Variants in ZNF654 observed in about 807,000 individuals in gnomAD.
The protein encoded by ZNF654 is melanoma-associated antigen.
A neutral mutation model predicts 95.3 loss-of-function variants in ZNF654; 19 were observed. That is an observed-to-expected ratio of 0.20 (90% CI 0.14 to 0.29). The LOEUF is 0.29. Ranked by LOEUF, ZNF654 falls within the 10% of genes least tolerant of loss-of-function variation. ZNF654 has a pLI of 1.00. For synonymous variants in ZNF654, 413 were observed against 457.9 expected (o/e 0.90, Z 1.25); for missense variants, 1,046 against 1,341.0 (o/e 0.78, Z 3.44).
chr3:88,088,213 C>G (rs900516276), intron 2 of ZNF654, among the ~76,000 whole-genome samples: 1 of 152,116 alleles, frequency 6.6e-6, no homozygotes, highest in African/African-American at 2.4e-5. Flanking sequence ...ATTCATCAGT[C>G]AAGAAACTCC....
intron 2 of ZNF654, among the ~76,000 whole-genome samples, chr3:88,108,970 G>T (rs112830072): frequency 6.7e-4 from 102 of 152,222 alleles, no homozygotes; most frequent in Middle Eastern, 6.8e-3. Flanking sequence ...GCCACATGGT[G>T]CATGTTAAGG....
chr3:88,118,363 C>T (rs1253553738), intron 3 of ZNF654, among the ~76,000 whole-genome samples: 3 of 152,120 alleles, frequency 2.0e-5, no homozygotes, highest in Admixed American at 1.3e-4. Flanking sequence ...CGTAATATAC[C>T]ATAGGAGAAG....
chr3:88,080,079 A>T (rs1708003738), intron 1 of ZNF654, among the ~76,000 whole-genome samples: 1 of 152,062 alleles, frequency 6.6e-6, no homozygotes, highest in South Asian at 2.1e-4. Context: ...GAGAATTGTA[A>T]AAACAGTGAA....
At chr3:88,129,942 A>G (rs1244466915) in intron 6 of ZNF654, 116 bp downstream of exon 6, 1 of 963,080 alleles carries the variant, frequency 1.0e-6, no homozygotes, top group Admixed American at 3.3e-5. Context: ...TTAAAAAAAA[A>G]TTGATTGTGC....
chr3:88,139,379 C>A lies in ZNF654; in HGVS notation c.1710C>A (p.Gly570=), dbSNP rs1303566735. 1.6e-5 allele frequency: 26 copies of A among 1,613,218 alleles called. No homozygotes were observed. The highest frequency in any genetic ancestry group is 1.9e-5 in the Non-Finnish European group (23 of 1,179,670). Residue 570 remains glycine (G), a synonymous_variant, in exon 8 of 9, where the codon GGC becomes GGA. Coordinates refer to ENST00000636215, the MANE Select transcript of ZNF654 (RefSeq NM_001350134.2). ...ATGCCCAGGCTCATCAGAAAAAAGGCAGTTTTGCATGTGTAATATGTGGTA... is the reference window on the plus strand; with the variant it reads ...ATGCCCAGGCTCATCAGAAAAAAGGAAGTTTTGCATGTGTAATATGTGGTA... ...VRHAQAHQKK[G]SFACVICGRK...
intron 1 of ZNF654, among the ~76,000 whole-genome samples, chr3:88,064,039 C>CA (rs1707048260): frequency 6.6e-6 from 1 of 151,608 alleles, no homozygotes; most frequent in African/African-American, 2.4e-5. Context: ...TTTCTTTGAT[C>CA]AACACATGCC....
intron 7 of ZNF654, chr3:88,135,510 A>C: frequency 5.5e-6 from 1 of 182,472 alleles, no homozygotes; most frequent in Non-Finnish European, 1.1e-5. Flanking sequence ...CTAATTTGCA[A>C]ATAAACTTGG....
In ZNF654 at chr3:88,139,860, G is replaced by C. The variant is rs766111404; in HGVS notation, c.2191G>C (p.Val731Leu). 3.1e-6 allele frequency: 5 copies of C among 1,600,884 alleles called. No homozygotes were observed. The highest frequency in any genetic ancestry group is 4.3e-6 in the Non-Finnish European group (5 of 1,173,114). ...AGTAATTCATAAAATCAATGGAACT[G>C]TGTGCCATCCAAAAGACATATATGC... ...TSVIHKINGT[V>L]CHPKDIYATD... Residue 731 changes from valine (V) to leucine (L), a missense_variant, in exon 8 of 9, where the codon GTG becomes CTG. This residue lies in a region of ZNF654 where 495 missense variants were observed against 537.0 expected (regional missense o/e 0.92). Transcript: ENST00000636215.
chr3:88,072,969 AATT>A (rs1707598992), intron 1 of ZNF654, among the ~76,000 whole-genome samples: 2 of 56,200 alleles, frequency 3.6e-5, no homozygotes, highest in Non-Finnish European at 1.1e-4. Context: ...CTCTTAAAAA[AATT>A]GTTAGTTTTA....
intron 1 of ZNF654, among the ~76,000 whole-genome samples, chr3:88,075,206 T>G (rs1468098798): frequency 6.6e-6 from 1 of 152,228 alleles, no homozygotes; most frequent in Non-Finnish European, 1.5e-5. Context: ...ATCTGTTGAG[T>G]GGCACCACTT....
intron 1 of ZNF654, among the ~76,000 whole-genome samples, chr3:88,083,736 A>T (rs1378441120): frequency 6.6e-6 from 1 of 152,108 alleles, no homozygotes; most frequent in Non-Finnish European, 1.5e-5. Flanking sequence ...CACTATTCTT[A>T]TTTGTTTTAG....
At chr3:88,081,596 TA>T (rs1223085302) in intron 1 of ZNF654, among the ~76,000 whole-genome samples, 2 of 152,252 alleles carry the variant, frequency 1.3e-5, no homozygotes, top group Non-Finnish European at 2.9e-5. Flanking sequence ...TTGTATGGAT[TA>T]AAGTCCAATG....
At chr3:88,085,712 A>G (rs574507221) in intron 1 of ZNF654, among the ~76,000 whole-genome samples, 2 of 152,314 alleles carry the variant, frequency 1.3e-5, no homozygotes, top group East Asian at 3.9e-4. Context: ...ACCCAGATTC[A>G]TAAAACTAGT....
chr3:88,140,330 T>C lies in ZNF654; in HGVS notation c.2661T>C (p.Asp887=), dbSNP rs1559738073. Reference sequence around the variant, plus strand: ...AACCAAGTGAAACAATTCTTTGGGATGTTCAGACAGACTCAAATCCTAATC... The same window carrying C: ...AACCAAGTGAAACAATTCTTTGGGACGTTCAGACAGACTCAAATCCTAATC... ...SAQPSETILW[D]VQTDSNPNQE... The change falls in exon 8 of 9, where the codon GAT becomes GAC. Residue 887 remains aspartate (D), a synonymous_variant. Coordinates refer to ENST00000636215, the MANE Select transcript of ZNF654 (RefSeq NM_001350134.2). 6.2e-7 allele frequency: 1 copy of C among 1,613,726 alleles called. No individual in the cohort carries two copies. The highest frequency in any genetic ancestry group is 8.5e-7 in the Non-Finnish European group (1 of 1,179,748).
intron 6 of ZNF654, among the ~76,000 whole-genome samples, chr3:88,133,370 A>T (rs1172409432): frequency 6.6e-6 from 1 of 152,156 alleles, no homozygotes. Context: ...ACAATGTGTC[A>T]TTGTGTATAC....
chr3:88,137,530 A>C (rs1295868826), intron 7 of ZNF654, among the ~76,000 whole-genome samples: 5 of 152,174 alleles, frequency 3.3e-5, no homozygotes, highest in Admixed American at 3.3e-4. Flanking sequence ...AGGAATTCAC[A>C]GTTGGGGGGT....
chr3:88,095,466 A>G, intron 2 of ZNF654: 1 of 391,690 alleles, frequency 2.6e-6, no homozygotes, highest in Admixed American at 3.5e-5. Flanking sequence ...CGCATGCAAC[A>G]TCAGTCTCTC....
intron 1 of ZNF654, among the ~76,000 whole-genome samples, chr3:88,084,494 T>C (rs1708239364): frequency 6.6e-6 from 1 of 152,140 alleles, no homozygotes; most frequent in Non-Finnish European, 1.5e-5. Context: ...GACCGCATAG[T>C]TAGTAGTAGT....
chr3:88,065,972 G>A (rs1707174999), intron 1 of ZNF654, among the ~76,000 whole-genome samples: 1 of 152,090 alleles, frequency 6.6e-6, no homozygotes, highest in African/African-American at 2.4e-5. Flanking sequence ...GAGGTCAAGC[G>A]AGTCACCCAC....
Sources: gnomAD v4.1 joint callset for allele counts (sites outside exome capture counted in the v4.1 genomes callset) on GRCh38, gnomAD v4.1.1 for gene constraint, gnomAD v4.1.1 regional missense constraint, MANE v1.5 for transcripts, NCBI Gene and HGNC (gene_info 2026-07-23, HGNC 2026-07-21) for gene names.